The following EGFR variants were observed in gnomAD, a reference collection of about 807,000 sequenced individuals.
EGFR encodes the protein avian erythroblastic leukemia viral (v-erb-b) oncogene homolog.
Under a neutral mutation model 143.0 loss-of-function variants are expected in EGFR, and 58 were observed. The ratio of observed to expected loss-of-function variants is 0.41; its 90% CI spans 0.33 to 0.50. EGFR has a LOEUF of 0.50. Among genes scored for constraint, EGFR ranks in the 20% least tolerant of loss-of-function variants. The pLI, the probability that EGFR is intolerant of heterozygous loss-of-function variation, is 0.39. For synonymous variants in EGFR, 613 were observed against 594.4 expected (o/e 1.03, Z -0.45); for missense variants, 1,307 against 1,579.0 (o/e 0.83, Z 2.92).
intron 7 of EGFR, among the ~76,000 whole-genome samples, chr7:55,155,587 G>T (rs1429078634): frequency 1.3e-5 from 2 of 152,244 alleles, no homozygotes; most frequent in African/African-American, 2.4e-5. Flanking sequence ...CCCCTCAAGG[G>T]ACCCAGTGTT....
At chr7:55,160,576 G>T (rs1158999372) in intron 12 of EGFR, among the ~76,000 whole-genome samples, 1 of 152,206 alleles carries the variant, frequency 6.6e-6, no homozygotes, top group East Asian at 1.9e-4. Context: ...CCAATTATTT[G>T]TAATGTAAGT....
chr7:55,176,781 C>T (rs1320129066), intron 19 of EGFR, among the ~76,000 whole-genome samples: 1 of 147,222 alleles, frequency 6.8e-6, no homozygotes, highest in Non-Finnish European at 1.5e-5. Flanking sequence ...TCTATATATA[C>T]TCTGTATATA....
At chr7:55,020,100 G>T (rs1185402162) in intron 1 of EGFR, among the ~76,000 whole-genome samples, 1 of 152,240 alleles carries the variant, frequency 6.6e-6, no homozygotes, top group African/African-American at 2.4e-5. Flanking sequence ...TGCTGGCGGC[G>T]GTTAGTTTCC....
Position 55,116,760 on chromosome 7 carries a change from G to A in EGFR, c.89-25526G>A, listed in dbSNP as rs192131249. On this transcript the variant is annotated intron_variant, in intron 1 of 27. Transcript: ENST00000275493. The stretch of plus-strand genomic sequence containing the variant: ...TTGCTTACATAGAATCCTCCAGTAG[G>A]TACTCCTTTGGGTCAGGTTCTTTCA... Among the ~76,000 whole-genome samples, 82 of 152,280 alleles carry A rather than the reference G, an allele frequency of 5.4e-4. 1 individual carries two copies. Among genetic ancestry groups the A allele is most frequent in the African/African-American group, 1.6e-3 (66 of 41,554 alleles).
At position 55,105,659 on chromosome 7, in the gene EGFR, C is replaced by T. The variant is rs1017030623; in HGVS notation, c.89-36627C>T. Among the ~76,000 whole-genome samples, 5 of 152,316 alleles carry T rather than the reference C, an allele frequency of 3.3e-5. No individual in the cohort carries two copies. In the South Asian group the frequency reaches 1.0e-3, roughly 32 times the overall value. Reference sequence around the variant, plus strand: ...TTAGTGCAAATTGAGACCACCTACACATCTGACTCTACAGGGTTTGACAAC... The same window carrying T: ...TTAGTGCAAATTGAGACCACCTACATATCTGACTCTACAGGGTTTGACAAC... On this transcript the variant is annotated intron_variant, in intron 1 of 27. Coordinates refer to ENST00000275493, the MANE Select transcript of EGFR (RefSeq NM_005228.5).
chr7:55,190,227 A>G (rs775496334), intron 20 of EGFR, among the ~76,000 whole-genome samples: 36 of 152,132 alleles, frequency 2.4e-4, no homozygotes, highest in Admixed American at 2.6e-4. Context: ...TTAAGTAGGC[A>G]GGGAAGCACT....
At chr7:55,021,558 G>C (rs931242679) in intron 1 of EGFR, among the ~76,000 whole-genome samples, 1 of 152,210 alleles carries the variant, frequency 6.6e-6, no homozygotes, top group Non-Finnish European at 1.5e-5. Context: ...GAGAACAGAC[G>C]CTATTCCATT....
chr7:55,086,893 G>A (rs12535578), intron 1 of EGFR, among the ~76,000 whole-genome samples: 40,358 of 151,942 alleles, frequency 0.27, 7,402 homozygotes, highest in East Asian at 0.87. Flanking sequence ...TCTCCCTCAC[G>A]CTCTGCATCT....
intron 1 of EGFR, among the ~76,000 whole-genome samples, chr7:55,072,606 G>A (rs1253047884): frequency 6.6e-6 from 1 of 152,180 alleles, no homozygotes; most frequent in East Asian, 1.9e-4. Context: ...ACAGTTTCAT[G>A]TTGGCCCATT....
intron 20 of EGFR, among the ~76,000 whole-genome samples, chr7:55,190,786 TAAG>T (rs1054744236): frequency 3.3e-5 from 5 of 152,156 alleles, no homozygotes; most frequent in Non-Finnish European, 7.4e-5. Flanking sequence ...GAAACAATAA[TAAG>T]AAGTCTGCAG....
chr7:55,025,034 CA>C (rs916535252), intron 1 of EGFR, among the ~76,000 whole-genome samples: 8 of 152,166 alleles, frequency 5.3e-5, no homozygotes, highest in Non-Finnish European at 1.2e-4. Flanking sequence ...CCAATAGCAG[CA>C]AAGTTCTTGA....
In EGFR at chr7:55,201,373, C is replaced by G. The variant is rs1787843480; in HGVS notation, c.3114+18C>G. 1.2e-6 allele frequency: 2 copies of G among 1,612,646 alleles called. No individual in the cohort carries two copies. Among genetic ancestry groups the G allele is most frequent in the Non-Finnish European group, 1.7e-6 (2 of 1,178,820 alleles). ...GCTCTCTGGTATGAAATCTCTGTCTCTCTCTCTCTCTCAAGCTGTGTCTAC... is the reference window on the plus strand; with the variant it reads ...GCTCTCTGGTATGAAATCTCTGTCTGTCTCTCTCTCTCAAGCTGTGTCTAC... On this transcript the variant is annotated intron_variant, in intron 25 of 27. Transcript: ENST00000275493.
intron 19 of EGFR, chr7:55,180,060 T>G (rs1584235781): frequency 6.6e-6 from 1 of 152,426 alleles, no homozygotes; most frequent in Admixed American, 6.5e-5. Context: ...CCACCCTGCC[T>G]CCCGCCAGCC....
At chr7:55,134,738 AG>A (rs765548666) in intron 1 of EGFR, among the ~76,000 whole-genome samples, 8 of 152,272 alleles carry the variant, frequency 5.3e-5, no homozygotes, top group Non-Finnish European at 8.8e-5. Flanking sequence ...AAACCAATGA[AG>A]GTAAAACAGT....
chr7:55,040,204 G>A (rs1281389926), intron 1 of EGFR, among the ~76,000 whole-genome samples: 1 of 152,132 alleles, frequency 6.6e-6, no homozygotes, highest in African/African-American at 2.4e-5. Flanking sequence ...TCAGAAGGAG[G>A]ATCCCCCACC....
chr7:55,028,935 G>A (rs1009614328), intron 1 of EGFR, among the ~76,000 whole-genome samples: 4 of 152,138 alleles, frequency 2.6e-5, no homozygotes, highest in East Asian at 1.9e-4. Context: ...CGAGGCGGGC[G>A]GATCACAAGG....
intron 14 of EGFR, 91 bp from the exon 15 acceptor site, chr7:55,165,189 A>C: frequency 1.3e-6 from 2 of 1,589,522 alleles, no homozygotes; most frequent in South Asian, 2.2e-5. Flanking sequence ...CCCCACTCAC[A>C]CACACTAAAT....
chr7:55,184,509 A>C (rs2128960598), intron 20 of EGFR, among the ~76,000 whole-genome samples: 1 of 152,350 alleles, frequency 6.6e-6, no homozygotes, highest in South Asian at 2.1e-4. Context: ...AATAGTGTCC[A>C]TTACAGAGAA....
chr7:55,184,918 AAGTAAAACTACCC>A (rs1325352727), intron 20 of EGFR, among the ~76,000 whole-genome samples: 1 of 152,248 alleles, frequency 6.6e-6, no homozygotes, highest in East Asian at 1.9e-4. Context: ...TAAACGTTTG[AAGTAAAACTACCC>A]AGAAACACTT....
Sources: gnomAD v4.1 joint callset for allele counts (sites outside exome capture counted in the v4.1 genomes callset) on GRCh38, gnomAD v4.1.1 for gene constraint, MANE v1.5 for transcripts, NCBI Gene and HGNC (gene_info 2026-07-23, HGNC 2026-07-21) for gene names.